The following GABBR2 variants were observed in gnomAD, a reference collection of about 807,000 sequenced individuals.
GABBR2 encodes the protein gamma-aminobutyric acid type B receptor subunit 2.
In GABBR2, 23 loss-of-function variants were observed where a neutral mutation model predicts 105.6. That is an observed-to-expected ratio of 0.22 (90% CI 0.16 to 0.31). The LOEUF is 0.31. Ranked by LOEUF, GABBR2 falls within the 10% of genes least tolerant of loss-of-function variation. The pLI, the probability that GABBR2 is intolerant of heterozygous loss-of-function variation, is 1.00. For missense variants in GABBR2, 734 were observed against 1,245.5 expected, an observed-to-expected ratio of 0.59 and a Z score of 6.18; for synonymous variants, 478 against 499.7, an observed-to-expected ratio of 0.96 and a Z score of 0.58.
chr9:98,505,971 C>G (rs552482357), intron 3 of GABBR2, among the ~76,000 whole-genome samples: 1 of 152,318 alleles, frequency 6.6e-6, no homozygotes, highest in African/African-American at 2.4e-5. Flanking sequence ...ATGGAGAAGC[C>G]TGGGCTTCCT....
chr9:98,329,408 T>C (rs1830983242), intron 13 of GABBR2, among the ~76,000 whole-genome samples: 1 of 152,216 alleles, frequency 6.6e-6, no homozygotes, highest in African/African-American at 2.4e-5. Flanking sequence ...TTGTTAATTA[T>C]GGAGGGAGCA....
chr9:98,642,742 C>G (rs571761506), intron 1 of GABBR2, among the ~76,000 whole-genome samples: 2 of 152,154 alleles, frequency 1.3e-5, no homozygotes, highest in African/African-American at 4.8e-5. Flanking sequence ...CTGTTTTAGG[C>G]GTGCGCGTGT....
intron 1 of GABBR2, among the ~76,000 whole-genome samples, chr9:98,590,884 G>A (rs542846310): frequency 6.6e-6 from 1 of 152,302 alleles, no homozygotes; most frequent in South Asian, 2.1e-4. Context: ...TGTAGTAAAT[G>A]GTGTAATGGA....
chr9:98,595,899 G>A (rs1829228104), intron 1 of GABBR2, among the ~76,000 whole-genome samples: 1 of 152,128 alleles, frequency 6.6e-6, no homozygotes, highest in African/African-American at 2.4e-5. Context: ...CCAGCCACAG[G>A]TCCCCAAACC....
intron 4 of GABBR2, among the ~76,000 whole-genome samples, chr9:98,482,745 G>A (rs1826950884): frequency 6.6e-6 from 1 of 152,028 alleles, no homozygotes; most frequent in Non-Finnish European, 1.5e-5. Context: ...CTTCATCTCT[G>A]AGAAAGGGAT....
At chr9:98,444,124 A>G (rs1826079600) in intron 7 of GABBR2, among the ~76,000 whole-genome samples, 2 of 152,254 alleles carry the variant, frequency 1.3e-5, no homozygotes, top group African/African-American at 2.4e-5. Flanking sequence ...ATGACATGTC[A>G]TTAATTATTT....
chr9:98,696,789 C>T (rs1481497527), intron 1 of GABBR2, among the ~76,000 whole-genome samples: 1 of 152,134 alleles, frequency 6.6e-6, no homozygotes, highest in African/African-American at 2.4e-5. Flanking sequence ...GTTCTGCAAG[C>T]GACAAGTTCT....
chr9:98,599,840 C>G (rs1055339179), intron 1 of GABBR2, among the ~76,000 whole-genome samples: 8 of 152,158 alleles, frequency 5.3e-5, no homozygotes, highest in African/African-American at 1.2e-4. Flanking sequence ...GGTAGGAATG[C>G]CAGGGAGAGA....
chr9:98,668,576 A>C (rs962382088), intron 1 of GABBR2, among the ~76,000 whole-genome samples: 2 of 115,802 alleles, frequency 1.7e-5, no homozygotes, highest in African/African-American at 7.1e-5. Context: ...GCTTTAAGTA[A>C]ATTTACATTG....
chr9:98,566,563 T>A (rs1008423192), intron 2 of GABBR2, among the ~76,000 whole-genome samples: 2 of 151,972 alleles, frequency 1.3e-5, no homozygotes, highest in Non-Finnish European at 2.9e-5. Flanking sequence ...TAGTTGCAGC[T>A]ACTCGGGAGG....
chr9:98,546,394 T>C (rs780491009), intron 2 of GABBR2, among the ~76,000 whole-genome samples: 50 of 152,280 alleles, frequency 3.3e-4, no homozygotes, highest in Non-Finnish European at 1.8e-4. Context: ...GTTCATTTTA[T>C]CTTGTTTTGA....
rs762639037 is a variant in GABBR2 at position 98,362,733 on chromosome 9, C to T, written c.1875G>A (p.Val625=). The T allele has an allele frequency of 6.3e-6, 10 of 1,596,560 alleles. No homozygotes were observed. In the South Asian group the frequency reaches 1.0e-4, roughly 16 times the overall value. Residue 625 remains valine (V), a synonymous_variant, in exon 13 of 19, where the codon GTG becomes GTA. Transcript: ENST00000259455. Reference sequence around the variant, plus strand: ...GGCTTACCTCCATGCTGTACTTCTCCACTGTCCTTCGCAGGGGGTCCACAG... The same window carrying T: ...GGCTTACCTCCATGCTGTACTTCTCTACTGTCCTTCGCAGGGGGTCCACAG... The part of the protein sequence containing the change: ...WQAVDPLRRT[V]EKYSMEPDPA...
intron 3 of GABBR2, among the ~76,000 whole-genome samples, chr9:98,517,979 T>A (rs901608075): frequency 6.6e-6 from 1 of 151,726 alleles, no homozygotes; most frequent in Non-Finnish European, 1.5e-5. Context: ...GGGAGCCCAG[T>A]AGGAGTTAGG....
intron 8 of GABBR2, among the ~76,000 whole-genome samples, chr9:98,399,589 C>T (rs1037469892): frequency 2.6e-5 from 4 of 152,154 alleles, no homozygotes; most frequent in Non-Finnish European, 5.9e-5. Context: ...AACCCCCATA[C>T]CCAACCAGTG....
chr9:98,386,968 T>C (rs1478044673), intron 10 of GABBR2, among the ~76,000 whole-genome samples: 1 of 152,214 alleles, frequency 6.6e-6, no homozygotes, highest in Non-Finnish European at 1.5e-5. Context: ...TAACTGATCC[T>C]GTTGCCTTGG....
At chr9:98,557,033 G>T (rs1351125351) in intron 2 of GABBR2, among the ~76,000 whole-genome samples, 1 of 152,162 alleles carries the variant, frequency 6.6e-6, no homozygotes, top group Non-Finnish European at 1.5e-5. Context: ...AACCCAGCAA[G>T]ACCCTACTTC....
rs563633605 is a variant in GABBR2 at position 98,677,781 on chromosome 9, G to C, written c.321+30636C>G. On this transcript the variant is annotated intron_variant, in intron 1 of 18. Transcript: ENST00000259455. ...TACACTAGCCTCAGGGCCTGCAGTG[G>C]CTCTCCCTCCAGCCTCGACCTTCAC... is the stretch of plus-strand genomic sequence containing the variant. Among the ~76,000 whole-genome samples, 19 of 152,138 alleles carry C rather than the reference G, an allele frequency of 1.2e-4. 1 individual carries two copies. The South Asian group carries it at 4.0e-3, about 32-fold the overall frequency.
At chr9:98,510,600 A>T (rs1419631088) in intron 3 of GABBR2, among the ~76,000 whole-genome samples, 1 of 152,198 alleles carries the variant, frequency 6.6e-6, no homozygotes, top group Non-Finnish European at 1.5e-5. Flanking sequence ...CGGAAAACAA[A>T]AAAAGGCAGG....
In GABBR2 at chr9:98,577,915, G is replaced by T. The variant is rs779878069; in HGVS notation, c.459+20C>A. On this transcript the variant is annotated intron_variant, in intron 2 of 18. Coordinates refer to ENST00000259455, the MANE Select transcript of GABBR2 (RefSeq NM_005458.8). ...CAACCAAAGACACCTCCCCACAAAA[G>T]AAGGTAGCTCAGACCTTACCTGCAC... 19 of 1,584,870 alleles carry T rather than the reference G, an allele frequency of 1.2e-5. No homozygotes were observed. Among genetic ancestry groups the T allele is most frequent in the Middle Eastern group, 1.7e-4 (1 of 5,970 alleles).
Sources: gnomAD v4.1 joint callset for allele counts (sites outside exome capture counted in the v4.1 genomes callset) on GRCh38, gnomAD v4.1.1 for gene constraint, MANE v1.5 for transcripts, NCBI Gene and HGNC (gene_info 2026-07-23, HGNC 2026-07-21) for gene names.